The following DACH1 variants were observed in gnomAD, a reference collection of about 807,000 sequenced individuals.
The protein encoded by DACH1 is dachshund homolog 1.
A neutral mutation model predicts 54.2 loss-of-function variants in DACH1; 12 were observed. That is an observed-to-expected ratio of 0.22 (90% CI 0.14 to 0.36). DACH1 has a LOEUF of 0.36. Among genes scored for constraint, DACH1 ranks in the 10% least tolerant of loss-of-function variants. The probability of loss-of-function intolerance (pLI) is 1.00; values close to 1 mark genes in which losing one functional copy is unlikely to be tolerated. For missense variants in DACH1, 805 were observed against 929.8 expected (o/e 0.87, Z 1.75); for synonymous variants, 386 against 366.2 (o/e 1.05, Z -0.62).
At chr13:71,504,118 C>T (rs1220316839) in intron 6 of DACH1, among the ~76,000 whole-genome samples, 1 of 152,048 alleles carries the variant, frequency 6.6e-6, no homozygotes, top group Non-Finnish European at 1.5e-5. Flanking sequence ...CTTTGTAGCA[C>T]AGAAAAGAGA....
At chr13:71,509,159 T>C (rs1008455206) in intron 6 of DACH1, among the ~76,000 whole-genome samples, 10 of 152,172 alleles carry the variant, frequency 6.6e-5, no homozygotes, top group African/African-American at 2.4e-4. Flanking sequence ...TATGATTTAA[T>C]TGCCTGCTCT....
At chr13:71,519,903 A>ATATATATATATATATATATATATATC in intron 6 of DACH1, among the ~76,000 whole-genome samples, 1 of 136,110 alleles carries the variant, frequency 7.3e-6, no homozygotes. Flanking sequence ...ATATATATAT[A>ATATATATATATATATATATATATATC]TATATCCTAA....
intron 1 of DACH1, among the ~76,000 whole-genome samples, chr13:71,783,215 A>G (rs908999895): frequency 6.6e-6 from 1 of 152,224 alleles, no homozygotes; most frequent in African/African-American, 2.4e-5. Flanking sequence ...AGATAGCTGT[A>G]TTAGATCCAT....
intron 3 of DACH1, among the ~76,000 whole-genome samples, chr13:71,590,138 T>G (rs1024424739): frequency 2.6e-5 from 4 of 152,038 alleles, no homozygotes; most frequent in Non-Finnish European, 4.4e-5. Context: ...AAAGCATTCT[T>G]GGGTTCACAA....
intron 1 of DACH1, among the ~76,000 whole-genome samples, chr13:71,711,423 C>A (rs1882718914): frequency 6.6e-6 from 1 of 152,078 alleles, no homozygotes. Flanking sequence ...TGTCTGCAGG[C>A]AGGTGAAGGA....
chr13:71,816,975 G>A (rs139726869), intron 1 of DACH1, among the ~76,000 whole-genome samples: 1 of 152,088 alleles, frequency 6.6e-6, no homozygotes, highest in African/African-American at 2.4e-5. Context: ...CTTGATGACT[G>A]GGTGATGAAA....
At chr13:71,535,809 T>C (rs1171334762) in intron 6 of DACH1, among the ~76,000 whole-genome samples, 1 of 152,020 alleles carries the variant, frequency 6.6e-6, no homozygotes, top group Non-Finnish European at 1.5e-5. Flanking sequence ...AGCTATCTTA[T>C]ATGATTTTTT....
intron 3 of DACH1, among the ~76,000 whole-genome samples, chr13:71,606,483 G>A (rs1036634342): frequency 6.6e-6 from 1 of 152,018 alleles, no homozygotes; most frequent in East Asian, 1.9e-4. Context: ...TGGTATGACA[G>A]ATATAAAAAA....
intron 1 of DACH1, among the ~76,000 whole-genome samples, chr13:71,770,730 C>T (rs1255541229): frequency 1.3e-5 from 2 of 151,496 alleles, no homozygotes; most frequent in African/African-American, 4.8e-5. Flanking sequence ...CTTTTAAAGG[C>T]CATAAGAAAC....
At chr13:71,825,198 C>T (rs1031100815) in intron 1 of DACH1, among the ~76,000 whole-genome samples, 13 of 151,870 alleles carry the variant, frequency 8.6e-5, no homozygotes, top group African/African-American at 3.1e-4. Flanking sequence ...TAATTTAGTC[C>T]TCATATTTTA....
chr13:71,582,401 A>T (rs1872918861), intron 3 of DACH1, among the ~76,000 whole-genome samples: 1 of 152,190 alleles, frequency 6.6e-6, no homozygotes, highest in Non-Finnish European at 1.5e-5. Flanking sequence ...GAATGAATGC[A>T]CATTATGATT....
rs531149045 is a variant in DACH1, at chr13:71,526,631, T to C, written c.1570+30393A>G. Among the ~76,000 whole-genome samples the C allele has an allele frequency of 1.2e-4, 18 of 151,952 alleles. 1 individual carries two copies. The South Asian group carries it at 3.7e-3, about 32-fold the overall frequency. ...AATAAGCACTATATACAGGTTTGAT[T>C]ATGACTTAGTTTTAAATGCAATCAT... On this transcript the variant is annotated intron_variant, in intron 6 of 10. Coordinates refer to ENST00000613252, the MANE Select transcript of DACH1 (RefSeq NM_080759.6).
chr13:71,619,294 C>T (rs554738719), intron 3 of DACH1, among the ~76,000 whole-genome samples: 5 of 152,000 alleles, frequency 3.3e-5, no homozygotes, highest in South Asian at 2.1e-4. Flanking sequence ...ATTGGTTTGT[C>T]CTTTCAAGTT....
At chr13:71,533,135 T>G (rs1397872695) in intron 6 of DACH1, among the ~76,000 whole-genome samples, 1 of 151,790 alleles carries the variant, frequency 6.6e-6, no homozygotes, top group Non-Finnish European at 1.5e-5. Context: ...AATAACATTC[T>G]TTTAAAAAAT....
intron 2 of DACH1, among the ~76,000 whole-genome samples, chr13:71,674,605 G>C (rs1184874075): frequency 6.6e-6 from 1 of 151,960 alleles, no homozygotes; most frequent in Non-Finnish European, 1.5e-5. Context: ...GCCTCCAGAG[G>C]GGGTACCCTG....
chr13:71,567,564 A>G (rs1193444557), intron 4 of DACH1, among the ~76,000 whole-genome samples: 1 of 152,062 alleles, frequency 6.6e-6, no homozygotes, highest in Non-Finnish European at 1.5e-5. Context: ...GATTTTGGAT[A>G]CTTGGAGAGA....
chr13:71,502,751 T>C (rs768364981), intron 6 of DACH1, among the ~76,000 whole-genome samples: 5 of 152,188 alleles, frequency 3.3e-5, no homozygotes, highest in Non-Finnish European at 5.9e-5. Flanking sequence ...TCTGCCTCAT[T>C]TGTCACCATA....
intron 1 of DACH1, among the ~76,000 whole-genome samples, chr13:71,802,787 C>T (rs533879223): frequency 4.1e-4 from 63 of 151,980 alleles, no homozygotes; most frequent in African/African-American, 1.3e-3. Context: ...AAATGCAAAA[C>T]GACTGTAGTG....
At chr13:71,494,574 T>A (rs1879252981) in intron 6 of DACH1, among the ~76,000 whole-genome samples, 1 of 152,160 alleles carries the variant, frequency 6.6e-6, no homozygotes, top group Non-Finnish European at 1.5e-5. Flanking sequence ...TTTCAAATTA[T>A]GATGGGTTTT....
Sources: gnomAD v4.1 joint callset for allele counts (sites outside exome capture counted in the v4.1 genomes callset) on GRCh38, gnomAD v4.1.1 for gene constraint, MANE v1.5 for transcripts, NCBI Gene and HGNC (gene_info 2026-07-23, HGNC 2026-07-21) for gene names.